CSMD1: variants seen among roughly 807,000 people sequenced by gnomAD.
The protein encoded by CSMD1 is CUB and sushi domain-containing protein 1.
In CSMD1, 213 loss-of-function variants were observed where a neutral mutation model predicts 417.5. The observed-to-expected ratio is 0.51, with a 90% CI of 0.46 to 0.57. The LOEUF is 0.57. Among genes scored for constraint, CSMD1 ranks in the 20% least tolerant of loss-of-function variants. The pLI is 0.00. For synonymous variants in CSMD1, 2,862 were observed against 1,736.8 expected, an observed-to-expected ratio of 1.65 and a Z score of -16.11; for missense variants, 6,923 against 4,529.7, an observed-to-expected ratio of 1.53 and a Z score of -15.17.
chr8:4,775,675 A>G (rs979514656), intron 1 of CSMD1, among the ~76,000 whole-genome samples: 2 of 152,198 alleles, frequency 1.3e-5, no homozygotes, highest in African/African-American at 4.8e-5. Flanking sequence ...GTTTAAGAGG[A>G]AAGACTGCTG....
chr8:4,622,465 G>C (rs1031419910), intron 2 of CSMD1, among the ~76,000 whole-genome samples: 1 of 152,096 alleles, frequency 6.6e-6, no homozygotes, highest in African/African-American at 2.4e-5. Flanking sequence ...CCTGCACAAT[G>C]CTGACTGGCA....
intron 3 of CSMD1, among the ~76,000 whole-genome samples, chr8:4,256,289 G>A (rs1019350877): frequency 6.6e-6 from 1 of 152,160 alleles, no homozygotes; most frequent in African/African-American, 2.4e-5. Context: ...TGCTTATGAT[G>A]CAGAGTGAAA....
At chr8:3,502,526 G>C (rs6999408) in intron 10 of CSMD1, among the ~76,000 whole-genome samples, 9,219 of 152,190 alleles carry the variant, frequency 0.061, 306 homozygotes, top group Middle Eastern at 0.092. Context: ...ATATTATTCA[G>C]GGCTAAAAGG....
chr8:3,203,637 G>A (rs1408578308), intron 31 of CSMD1, among the ~76,000 whole-genome samples: 1 of 152,188 alleles, frequency 6.6e-6, no homozygotes, highest in Non-Finnish European at 1.5e-5. Context: ...AGGGGGATTG[G>A]AATGCAAAGG....
intron 10 of CSMD1, among the ~76,000 whole-genome samples, chr8:3,496,836 A>G (rs1796384642): frequency 6.6e-6 from 1 of 152,198 alleles, no homozygotes; most frequent in African/African-American, 2.4e-5. Context: ...TCTCAAAAAA[A>G]AAATTATGTT....
At chr8:3,833,433 C>G (rs1802484273) in intron 5 of CSMD1, among the ~76,000 whole-genome samples, 1 of 152,050 alleles carries the variant, frequency 6.6e-6, no homozygotes, top group African/African-American at 2.4e-5. Context: ...TATTTTATAT[C>G]ATAAATATGA....
intron 7 of CSMD1, among the ~76,000 whole-genome samples, chr8:3,644,526 T>A (rs1288588488): frequency 6.6e-6 from 1 of 151,954 alleles, no homozygotes; most frequent in African/African-American, 2.4e-5. Context: ...GGGAAGATGA[T>A]GAAAGAGGGT....
At chr8:4,352,603 G>C (rs1429358109) in intron 3 of CSMD1, among the ~76,000 whole-genome samples, 1 of 152,198 alleles carries the variant, frequency 6.6e-6, no homozygotes, top group Non-Finnish European at 1.5e-5. Flanking sequence ...CTAAGTTTGA[G>C]AAAAGTCATT....
In CSMD1 at chr8:3,546,345, C is replaced by T. The variant is rs190337826; in HGVS notation, c.1344+28600G>A. Among the ~76,000 whole-genome samples, 90 of 151,912 alleles carry T rather than the reference C, an allele frequency of 5.9e-4. 1 individual carries two copies. The East Asian group carries it at 0.015, about 25-fold the overall frequency. On this transcript the variant is annotated intron_variant, in intron 10 of 69. Coordinates refer to ENST00000635120, the MANE Select transcript of CSMD1 (RefSeq NM_033225.6). ...GGTCAGGAGATCGAGACCATCTTGG[C>T]AAACATGATGAAATCCCCATCTCTA...
intron 3 of CSMD1, among the ~76,000 whole-genome samples, chr8:4,122,029 CTT>C (rs1336420680): frequency 2.6e-5 from 4 of 151,700 alleles, no homozygotes; most frequent in African/African-American, 7.3e-5. Context: ...AATCTATAAA[CTT>C]TATTGTATAA....
At chr8:4,354,650 C>T (rs917847726) in intron 3 of CSMD1, among the ~76,000 whole-genome samples, 124 of 152,126 alleles carry the variant, frequency 8.2e-4, no homozygotes, top group African/African-American at 2.8e-3. Flanking sequence ...AACACATGAA[C>T]ATCTATGCAG....
At chr8:4,552,181 A>C (rs6558890) in intron 2 of CSMD1, among the ~76,000 whole-genome samples, 2,378 of 152,286 alleles carry the variant, frequency 0.016, 66 homozygotes, top group African/African-American at 0.054. Flanking sequence ...TTTTAATCTT[A>C]AGATACAAAG....
chr8:3,546,353 A>G (rs1036318370), intron 10 of CSMD1, among the ~76,000 whole-genome samples: 7 of 152,056 alleles, frequency 4.6e-5, no homozygotes, highest in Admixed American at 4.6e-4. Flanking sequence ...GGCAAACATG[A>G]TGAAATCCCC....
chr8:4,010,202 G>C (rs751720890), intron 4 of CSMD1, among the ~76,000 whole-genome samples: 4 of 152,146 alleles, frequency 2.6e-5, no homozygotes, highest in South Asian at 2.1e-4. Flanking sequence ...CCTGCTGGCA[G>C]ACTGTGCCCA....
intron 49 of CSMD1, among the ~76,000 whole-genome samples, chr8:3,078,588 T>A (rs1443908815): frequency 6.6e-6 from 1 of 152,236 alleles, no homozygotes; most frequent in Non-Finnish European, 1.5e-5. Flanking sequence ...TGCAGCCTGT[T>A]TTTATACACA....
chr8:4,080,499 C>G (rs918737451), intron 3 of CSMD1, among the ~76,000 whole-genome samples: 3 of 152,196 alleles, frequency 2.0e-5, no homozygotes, highest in Non-Finnish European at 4.4e-5. Context: ...AAATTTCTTA[C>G]TTGCAAAAGA....
chr8:3,369,140 A>C, intron 19 of CSMD1, 114 bp downstream of exon 19: 1 of 585,180 alleles, frequency 1.7e-6, no homozygotes, highest in South Asian at 2.3e-5. Flanking sequence ...CTTGAACTAT[A>C]CATGAGAAAA....
chr8:4,291,982 G>A (rs990951359), intron 3 of CSMD1, among the ~76,000 whole-genome samples: 5 of 152,180 alleles, frequency 3.3e-5, no homozygotes, highest in African/African-American at 1.2e-4. Context: ...TTTCATCAGA[G>A]TTTGAGACGC....
chr8:3,183,260 C>A (rs1404915238), intron 36 of CSMD1: 2 of 133,338 alleles, frequency 1.5e-5, no homozygotes, highest in Non-Finnish European at 3.4e-5. Context: ...ATCCACGTCA[C>A]AAACTGAACG....
Sources: allele counts gnomAD v4.1 joint callset (sites outside exome capture counted in the v4.1 genomes callset), GRCh38; gene constraint gnomAD v4.1.1; transcripts MANE v1.5; gene names NCBI Gene and HGNC (gene_info 2026-07-23, HGNC 2026-07-21).